MIB1: variants seen among roughly 807,000 people sequenced by gnomAD.
MIB1 encodes MIB E3 ubiquitin protein ligase 1, also known as E3 ubiquitin-protein ligase MIB1.
MIB1 carries 278 observed loss-of-function variants against 124.5 expected under a neutral mutation model. The observed-to-expected ratio is 2.23, with a 90% confidence interval of 2.02 to 2.47. MIB1 has a LOEUF of 2.47. Ranked by LOEUF, MIB1 falls within the 30% of genes most tolerant of loss-of-function variation. The pLI, the probability that MIB1 is intolerant of heterozygous loss-of-function variation, is 0.00. For synonymous variants in MIB1, 446 were observed against 429.4 expected (o/e 1.04, Z -0.48); for missense variants, 957 against 1,254.4 (o/e 0.76, Z 3.58).
intron 1 of MIB1, among the ~76,000 whole-genome samples, chr18:21,721,034 T>C (rs562597580): frequency 2.0e-5 from 3 of 152,078 alleles, no homozygotes; most frequent in Non-Finnish European, 4.4e-5. Flanking sequence ...TGAGTGATGG[T>C]ACTGGGGTAC....
intron 1 of MIB1, among the ~76,000 whole-genome samples, chr18:21,723,674 C>T (rs2040724934): frequency 1.3e-5 from 2 of 152,200 alleles, no homozygotes; most frequent in South Asian, 4.2e-4. Context: ...CGCCACCACG[C>T]CCAGCTAATT....
chr18:21,781,189 G>T (rs927489144), intron 6 of MIB1, among the ~76,000 whole-genome samples: 2 of 149,972 alleles, frequency 1.3e-5, no homozygotes, highest in African/African-American at 2.4e-5. Flanking sequence ...AGTGCTGGGG[G>T]CTTGAGCCAC....
chr18:21,819,481 C>A lies in MIB1; in HGVS notation c.1678-14C>A. 1 of 1,555,780 alleles carries A rather than the reference C, an allele frequency of 6.4e-7. No homozygotes were observed. Among genetic ancestry groups the A allele is most frequent in the African/African-American group, 1.4e-5 (1 of 73,086 alleles). ...TTAATTGAAGAACTAATGAAAATTT[C>A]TTTAAACTTAAAGGATTCTGAAGGT... On this transcript the variant is annotated splice_polypyrimidine_tract_variant and intron_variant, in intron 11 of 20. Coordinates refer to ENST00000261537, the MANE Select transcript of MIB1 (RefSeq NM_020774.4).
chr18:21,853,027 C>G (rs868168150), intron 17 of MIB1, 113 bp from the exon 18 acceptor site: 2 of 682,226 alleles, frequency 2.9e-6, no homozygotes, highest in African/African-American at 1.8e-5. Context: ...TTAAATTTCT[C>G]TGTGCCTAGG....
chr18:21,781,397 AT>A (rs1364241078), intron 6 of MIB1, among the ~76,000 whole-genome samples: 1 of 75,382 alleles, frequency 1.3e-5, no homozygotes, highest in Non-Finnish European at 2.5e-5. Flanking sequence ...ATATATATAT[AT>A]ATATATATAT....
At chr18:21,842,408 A>T (rs528860440) in intron 13 of MIB1, among the ~76,000 whole-genome samples, 2 of 152,292 alleles carry the variant, frequency 1.3e-5, no homozygotes, top group South Asian at 4.1e-4. Context: ...TATTTTACTT[A>T]ATCTTCACAT....
At chr18:21,713,631 A>G (rs1176989987) in intron 1 of MIB1, among the ~76,000 whole-genome samples, 3 of 150,664 alleles carry the variant, frequency 2.0e-5, no homozygotes, top group Non-Finnish European at 4.4e-5. Flanking sequence ...AAAAAAAAAA[A>G]AAAAAAGCTT....
chr18:21,740,335 A>G (rs2040830398), upstream of MIB1, among the ~76,000 whole-genome samples: 1 of 152,226 alleles, frequency 6.6e-6, no homozygotes, highest in Non-Finnish European at 1.5e-5. Flanking sequence ...CACACCTTCT[A>G]AAAGTCTTTA....
intron 4 of MIB1, among the ~76,000 whole-genome samples, chr18:21,774,485 G>A (rs2041258033): frequency 6.6e-6 from 1 of 152,206 alleles, no homozygotes; most frequent in South Asian, 2.1e-4. Context: ...CTATTTGGGA[G>A]GCTGAGGCAC....
chr18:21,838,018 G>GT (rs2042049282), intron 12 of MIB1, among the ~76,000 whole-genome samples: 2 of 152,018 alleles, frequency 1.3e-5, no homozygotes, highest in South Asian at 2.1e-4. Flanking sequence ...TTTCTCTTTG[G>GT]TTTTTTCCTC....
In MIB1 at chr18:21,781,499, C is replaced by T. The variant is rs142946811; in HGVS notation, c.908+1814C>T. 2.6e-3 allele frequency among the ~76,000 whole-genome samples: 393 copies of T among 149,676 alleles called. 2 individuals are homozygous for T. Among genetic ancestry groups the T allele is most frequent in the African/African-American group, 8.6e-3 (349 of 40,814 alleles). On this transcript the variant is annotated intron_variant, in intron 6 of 20. Coordinates refer to ENST00000261537, the MANE Select transcript of MIB1 (RefSeq NM_020774.4). Reference sequence around the variant, plus strand: ...CACGATGTCAGCTCATTGCAACCTCCGTCTCCCAGGTTCAAATGATTCTCT... The same window carrying T: ...CACGATGTCAGCTCATTGCAACCTCTGTCTCCCAGGTTCAAATGATTCTCT...
intron 6 of MIB1, among the ~76,000 whole-genome samples, chr18:21,788,407 A>G (rs532691326): frequency 6.6e-6 from 1 of 152,346 alleles, no homozygotes; most frequent in East Asian, 1.9e-4. Context: ...AGTACTTGAC[A>G]AAATCCAACA....
Position 21,819,603 on chromosome 18 carries a change from G to T in MIB1, c.1786G>T (p.Gly596Ter), listed in dbSNP as rs1555694075. 18 of 1,611,584 alleles carry T rather than the reference G, an allele frequency of 1.1e-5. No individual in the cohort carries two copies. Among genetic ancestry groups the T allele is most frequent in the Non-Finnish European group, 1.5e-5 (18 of 1,178,850 alleles). ...GADVTITNNNGFNALHHAALR... is the reference protein window; with the variant it reads ...GADVTITNNN ...AGATGTTACCATCACAAACAATAAT[G>T]GATTTAATGCTCTGCATCATGCTGC... Residue 596 changes from glycine (G) to a stop codon, truncating the protein, a stop_gained, in exon 12 of 21, where the codon GGA becomes TGA. Transcript: ENST00000261537. LOFTEE classifies it high-confidence loss of function.
intron 1 of MIB1, among the ~76,000 whole-genome samples, chr18:21,706,478 C>T (rs763464299): frequency 4.6e-5 from 7 of 152,172 alleles, no homozygotes; most frequent in Non-Finnish European, 5.9e-5. Context: ...TGGCTGAGGC[C>T]GGAGCCAGCT....
At chr18:21,836,510 C>T (rs1426051039) in intron 12 of MIB1, among the ~76,000 whole-genome samples, 3 of 151,878 alleles carry the variant, frequency 2.0e-5, no homozygotes, top group Non-Finnish European at 4.4e-5. Flanking sequence ...TTGTCCCGAC[C>T]AACAACTTGG....
In MIB1 at chr18:21,804,027, G is replaced by C. The variant is rs750442077; in HGVS notation, c.1479+13G>C. 1.3e-6 allele frequency: 2 copies of C among 1,555,316 alleles called. No homozygotes were observed. The highest frequency in any genetic ancestry group is 1.8e-6 in the Non-Finnish European group (2 of 1,127,984). ...TGTCGAAGCAGAGGTAAGTAAACTT[G>C]AAAAATATTTTAAGTAAACATTTAT... On this transcript the variant is annotated intron_variant, in intron 10 of 20. Transcript: ENST00000261537.
At chr18:21,845,399 GTTTT>G (rs1289125301) in intron 15 of MIB1, among the ~76,000 whole-genome samples, 1 of 152,074 alleles carries the variant, frequency 6.6e-6, no homozygotes, top group African/African-American at 2.4e-5. Context: ...CATCATTTGT[GTTTT>G]TTGTGTGTGT....
At chr18:21,730,357 A>T (rs2040763049) in intron 1 of MIB1, among the ~76,000 whole-genome samples, 1 of 152,316 alleles carries the variant, frequency 6.6e-6, no homozygotes, top group African/African-American at 2.4e-5. Flanking sequence ...ACCTGAGGTC[A>T]GGAGTTCAAG....
At chr18:21,773,537 T>G (rs1598603382) in intron 3 of MIB1, 87 bp from the exon 4 acceptor site, 1 of 841,404 alleles carries the variant, frequency 1.2e-6, no homozygotes, top group Non-Finnish European at 1.9e-6. Flanking sequence ...GATGAAATGA[T>G]TTTTAAGATT....
Sources: allele counts gnomAD v4.1 joint callset (sites outside exome capture counted in the v4.1 genomes callset), GRCh38; gene constraint gnomAD v4.1.1; transcripts MANE v1.5; gene names NCBI Gene and HGNC (gene_info 2026-07-23, HGNC 2026-07-21).